The following PHKB variants were observed in gnomAD, a reference collection of about 807,000 sequenced individuals.
PHKB encodes the protein phosphorylase b kinase regulatory subunit beta.
PHKB carries 122 observed loss-of-function variants against 152.1 expected under a neutral mutation model. The ratio of observed to expected loss-of-function variants is 0.80; its 90% confidence interval spans 0.69 to 0.93. The LOEUF (loss-of-function observed/expected upper bound fraction) is 0.93, where lower values mean the gene tolerates loss of function less well. Among genes scored for constraint, PHKB ranks in the 40% least tolerant of loss-of-function variants. The pLI, the probability that PHKB is intolerant of heterozygous loss-of-function variation, is 0.00. For synonymous variants in PHKB, 436 were observed against 464.9 expected, an observed-to-expected ratio of 0.94 and a Z score of 0.80; for missense variants, 1,304 against 1,328.4, an observed-to-expected ratio of 0.98 and a Z score of 0.29.
intron 7 of PHKB, among the ~76,000 whole-genome samples, chr16:47,578,901 TCTC>T (rs1284796840): frequency 6.6e-6 from 1 of 152,120 alleles, no homozygotes; most frequent in East Asian, 1.9e-4. Flanking sequence ...AGGCTGCTCT[TCTC>T]CTGTCCTTTG....
chr16:47,603,817 T>G (rs1052682591), intron 13 of PHKB, among the ~76,000 whole-genome samples: 1 of 152,310 alleles, frequency 6.6e-6, no homozygotes, highest in Admixed American at 6.5e-5. Flanking sequence ...TAACTGACTT[T>G]CTTATATGTC....
chr16:47,690,619 G>A (rs1190096695), intron 27 of PHKB, among the ~76,000 whole-genome samples: 1 of 152,100 alleles, frequency 6.6e-6, no homozygotes, highest in Non-Finnish European at 1.5e-5. Context: ...ATAGACAAAT[G>A]GGAGTGAAGA....
intron 6 of PHKB, among the ~76,000 whole-genome samples, chr16:47,533,573 A>G (rs545812479): frequency 5.9e-5 from 9 of 152,286 alleles, no homozygotes; most frequent in African/African-American, 2.2e-4. Flanking sequence ...GGGGGCTGGC[A>G]TGTTTGCACC....
chr16:47,507,452 A>T (rs1970439519), intron 4 of PHKB, among the ~76,000 whole-genome samples: 1 of 152,150 alleles, frequency 6.6e-6, no homozygotes, highest in Non-Finnish European at 1.5e-5. Context: ...ACTCAACCTT[A>T]TTAACCAGTC....
intron 13 of PHKB, among the ~76,000 whole-genome samples, chr16:47,609,669 G>T (rs1972391814): frequency 6.6e-6 from 1 of 151,782 alleles, no homozygotes; most frequent in South Asian, 2.1e-4. Context: ...GTCTTTCCGG[G>T]AATAATTCAT....
intron 1 of PHKB, among the ~76,000 whole-genome samples, chr16:47,495,775 G>A (rs1970221710): frequency 6.6e-6 from 1 of 152,102 alleles, no homozygotes; most frequent in Admixed American, 6.5e-5. Context: ...AGGGGGCTGG[G>A]TCCTTTCCTT....
chr16:47,461,724 C>T (rs535588857), intron 1 of PHKB, among the ~76,000 whole-genome samples: 18 of 152,286 alleles, frequency 1.2e-4, no homozygotes, highest in Admixed American at 7.2e-4. Context: ...AAAAATCGGG[C>T]GGCGGCACAT....
chr16:47,598,595 T>C, intron 13 of PHKB: 1 of 1,001,594 alleles, frequency 1.0e-6, no homozygotes, highest in Admixed American at 2.0e-5. Context: ...ACGCCCTCGA[T>C]ATAGCAGAAT....
intron 7 of PHKB, among the ~76,000 whole-genome samples, chr16:47,576,537 A>G (rs956349013): frequency 6.6e-6 from 1 of 152,150 alleles, no homozygotes; most frequent in African/African-American, 2.4e-5. Context: ...TTGTTCTACC[A>G]ATTGTTGAGA....
intron 25 of PHKB, among the ~76,000 whole-genome samples, chr16:47,666,370 G>T (rs1469058130): frequency 1.3e-5 from 2 of 152,174 alleles, no homozygotes; most frequent in Admixed American, 6.5e-5. Context: ...GAACAGCAAA[G>T]GGCGCATCTT....
rs1182782573 is a variant in PHKB, at chr16:47,641,745, A to G, written c.1608+53A>G. The stretch of plus-strand genomic sequence containing the variant: ...TACTTTGTAGAGGTACTAGAGCTTG[A>G]TGGTTGGACTTAGTTTACAGACAAG... On this transcript the variant is annotated intron_variant, in intron 16 of 30. Coordinates refer to ENST00000323584, the MANE Select transcript of PHKB (RefSeq NM_000293.3). 6 of 952,866 alleles carry G rather than the reference A, an allele frequency of 6.3e-6. No individual in the cohort carries two copies. In the African/African-American group the frequency reaches 9.6e-5, roughly 15 times the overall value. The allele number at this position is 952,866 out of a possible 1,614,324, so 59.0% of individuals were successfully genotyped here.
At chr16:47,525,693 C>G (rs1970754435) in intron 6 of PHKB, among the ~76,000 whole-genome samples, 1 of 152,086 alleles carries the variant, frequency 6.6e-6, no homozygotes, top group African/African-American at 2.4e-5. Context: ...ATGAAAAGCA[C>G]AAATCTTTGT....
At chr16:47,515,884 G>A (rs538769083) in intron 6 of PHKB, among the ~76,000 whole-genome samples, 3 of 151,206 alleles carry the variant, frequency 2.0e-5, no homozygotes, top group Non-Finnish European at 4.4e-5. Context: ...AAAAATTTTA[G>A]TAACAATGAA....
At chr16:47,483,128 T>C in intron 1 of PHKB, among the ~76,000 whole-genome samples, 1 of 134,414 alleles carries the variant, frequency 7.4e-6, no homozygotes, top group Non-Finnish European at 1.5e-5. Flanking sequence ...AACCTCCACC[T>C]CCTGGGTTCA....
rs1437590476 is a variant in PHKB at position 47,610,258 on chromosome 16, C to A, written c.1364-568C>A. ...ACTCCTGACCTTGTGATCCGCCCAC[C>A]TCAGCCTCCCAAAGTGCTGGGATTA... On this transcript the variant is annotated intron_variant, in intron 13 of 30. Coordinates refer to ENST00000323584, the MANE Select transcript of PHKB (RefSeq NM_000293.3). 2.0e-5 allele frequency among the ~76,000 whole-genome samples: 3 copies of A among 151,176 alleles called. No individual in the cohort carries two copies. The East Asian group carries it at 5.8e-4, about 29-fold the overall frequency.
At chr16:47,520,664 C>T (rs942016337) in intron 6 of PHKB, among the ~76,000 whole-genome samples, 1 of 152,204 alleles carries the variant, frequency 6.6e-6, no homozygotes, top group Non-Finnish European at 1.5e-5. Flanking sequence ...TTTGGTCATG[C>T]ATCCTTGCAT....
In PHKB at chr16:47,596,367, C is replaced by A; in HGVS notation, c.1205-6C>A. ...TATTTTAAATACTTATTTTTAAACT[C>A]CATAGGATATCCTGTTGTACCAAAG... On this transcript the variant is annotated splice_polypyrimidine_tract_variant and splice_region_variant and intron_variant, in intron 12 of 30. Coordinates refer to ENST00000323584, the MANE Select transcript of PHKB (RefSeq NM_000293.3). 1 of 1,580,934 alleles carries A rather than the reference C, an allele frequency of 6.3e-7. No homozygotes were observed. Among genetic ancestry groups the A allele is most frequent in the South Asian group, 1.1e-5 (1 of 90,364 alleles).
chr16:47,480,231 G>A (rs1969940831), intron 1 of PHKB, among the ~76,000 whole-genome samples: 1 of 152,116 alleles, frequency 6.6e-6, no homozygotes, highest in African/African-American at 2.4e-5. Flanking sequence ...TAACTGGTTA[G>A]CACTAGAAGT....
intron 2 of PHKB, among the ~76,000 whole-genome samples, chr16:47,498,309 G>A (rs1174521416): frequency 2.0e-5 from 3 of 152,072 alleles, no homozygotes; most frequent in Non-Finnish European, 4.4e-5. Context: ...GTGTATTTTG[G>A]ACTCTTAGGA....
Sources: allele counts gnomAD v4.1 joint callset (sites outside exome capture counted in the v4.1 genomes callset), GRCh38; gene constraint gnomAD v4.1.1; transcripts MANE v1.5; gene names NCBI Gene and HGNC (gene_info 2026-07-23, HGNC 2026-07-21).